SCUBE1: variants seen among roughly 807,000 people sequenced by gnomAD.
The protein encoded by SCUBE1 is signal peptide, CUB and EGF-like domain-containing protein 1.
A neutral mutation model predicts 124.4 loss-of-function variants in SCUBE1; 59 were observed. The ratio of observed to expected loss-of-function variants is 0.47; its 90% CI spans 0.38 to 0.59. The LOEUF (loss-of-function observed/expected upper bound fraction) is 0.59. SCUBE1 is among the 20% of genes least tolerant of loss of function. SCUBE1 has a pLI of 0.00. For synonymous variants in SCUBE1, 545 were observed against 550.9 expected, an observed-to-expected ratio of 0.99 and a Z score of 0.15; for missense variants, 1,150 against 1,371.2, an observed-to-expected ratio of 0.84 and a Z score of 2.55.
At chr22:43,231,073 C>T (rs1176124822) in intron 8 of SCUBE1, among the ~76,000 whole-genome samples, 1 of 152,204 alleles carries the variant, frequency 6.6e-6, no homozygotes, top group African/African-American at 2.4e-5. Context: ...CCACAGGGTA[C>T]CTGTCTCCTT....
In SCUBE1 at chr22:43,221,194, T is replaced by C; in HGVS notation, c.1528A>G (p.Thr510Ala). Residue 510 changes from threonine (T) to alanine (A), a missense_variant, in exon 13 of 22, where the codon ACC becomes GCC. By Grantham distance (58) the Thr-to-Ala change is moderately conservative. Transcript: ENST00000360835. ...TCACCCAGCAGCGGCTGCCTGGCGG[T>C]CTCCTTTGCTCGTGCCTGGCTGTGG... ...RPHSQARAKE[T>A]ARQPLLDHCH... The C allele has an allele frequency of 6.2e-7, 1 of 1,610,376 alleles. No homozygotes were observed. The highest frequency in any genetic ancestry group is 8.5e-7 in the Non-Finnish European group (1 of 1,179,802).
At chr22:43,205,827 C>CTA (rs1921230604) in intron 21 of SCUBE1, among the ~76,000 whole-genome samples, 1 of 104,948 alleles carries the variant, frequency 9.5e-6, no homozygotes. Flanking sequence ...CCACTCACCC[C>CTA]CACACACACC....
intron 3 of SCUBE1, among the ~76,000 whole-genome samples, chr22:43,307,535 A>T (rs952688155): frequency 9.9e-5 from 15 of 152,200 alleles, no homozygotes; most frequent in African/African-American, 3.6e-4. Flanking sequence ...CCCTGGGGCC[A>T]ATCACACGAC....
At position 43,203,353 on chromosome 22, in the gene SCUBE1, A is replaced by T. The variant is rs1018218986; in HGVS notation, c.*644T>A. 4.7e-5 allele frequency: 7 copies of T among 148,138 alleles called. No homozygotes were observed. The highest frequency in any genetic ancestry group is 1.7e-4 in the African/African-American group (7 of 40,736). 9.2% of individuals were successfully genotyped at this position (148,138 alleles called of 1,614,324 possible). On this transcript the variant is annotated 3_prime_UTR_variant, in exon 22 of 22. Coordinates refer to ENST00000360835, the MANE Select transcript of SCUBE1 (RefSeq NM_173050.5). Reference sequence around the variant, plus strand: ...AGGGCATTTTCCTAAAGTACCCACAAATAGAAGTATATATATATATTTATA... The same window carrying T: ...AGGGCATTTTCCTAAAGTACCCACATATAGAAGTATATATATATATTTATA...
chr22:43,298,207 C>T (rs939286247), intron 3 of SCUBE1, among the ~76,000 whole-genome samples: 3 of 152,222 alleles, frequency 2.0e-5, no homozygotes, highest in Admixed American at 6.5e-5. Context: ...AGCTTTGGGG[C>T]CTGGGTTCTG....
chr22:43,280,829 A>G (rs1569009964), intron 4 of SCUBE1, among the ~76,000 whole-genome samples: 1 of 83,288 alleles, frequency 1.2e-5, no homozygotes, highest in African/African-American at 5.8e-5. Context: ...TCCTCCTGTC[A>G]CCTCCCTCTT....
At chr22:43,219,137 G>T (rs1921968034) in intron 14 of SCUBE1, among the ~76,000 whole-genome samples, 1 of 152,190 alleles carries the variant, frequency 6.6e-6, no homozygotes, top group South Asian at 2.1e-4. Flanking sequence ...CCCTAATGCT[G>T]GGGGTGGGGC....
At chr22:43,342,238 G>C (rs1927341833) in intron 1 of SCUBE1, among the ~76,000 whole-genome samples, 1 of 99,314 alleles carries the variant, frequency 1.0e-5, no homozygotes, top group Non-Finnish European at 2.0e-5. Flanking sequence ...TGAAGACAGA[G>C]AGCAGGAGGG....
At position 43,251,145 on chromosome 22, in the gene SCUBE1, G is replaced by A. The variant is rs1355421070; in HGVS notation, c.727+7074C>T. ...GTGAGGCGAGAGAGCCGGGGCAGAG[G>A]GAATGGGCTGAAGATACACCCCCAA... On this transcript the variant is annotated intron_variant, in intron 6 of 21. Coordinates refer to ENST00000360835, the MANE Select transcript of SCUBE1 (RefSeq NM_173050.5). Among the ~76,000 whole-genome samples, 3 of 152,350 alleles carry A rather than the reference G, an allele frequency of 2.0e-5. No homozygotes were observed. The East Asian group carries it at 5.8e-4, about 29-fold the overall frequency.
At chr22:43,282,507 C>T (rs1266832597) in intron 4 of SCUBE1, 2 of 152,146 alleles carry the variant, frequency 1.3e-5, no homozygotes, top group African/African-American at 4.8e-5. Context: ...GGTCTGGGCC[C>T]AGATGACGCT....
chr22:43,262,687 G>A (rs1442006987), intron 5 of SCUBE1, 33 bp downstream of exon 5: 1 of 1,609,066 alleles, frequency 6.2e-7, no homozygotes, highest in South Asian at 1.1e-5. Flanking sequence ...GAGACGCACG[G>A]GACGTTTGAC....
intron 6 of SCUBE1, among the ~76,000 whole-genome samples, chr22:43,250,905 T>G (rs1923419525): frequency 6.6e-6 from 1 of 152,210 alleles, no homozygotes; most frequent in Admixed American, 6.5e-5. Flanking sequence ...CCCTCAGGCC[T>G]GTTCTGCTCC....
intron 6 of SCUBE1, among the ~76,000 whole-genome samples, chr22:43,253,719 C>G (rs561724984): frequency 2.0e-5 from 3 of 152,326 alleles, no homozygotes; most frequent in South Asian, 2.1e-4. Context: ...CCCTCCTCCC[C>G]CCGCCTGCAC....
At chr22:43,259,008 C>T (rs537805397) in intron 5 of SCUBE1, among the ~76,000 whole-genome samples, 3 of 152,328 alleles carry the variant, frequency 2.0e-5, no homozygotes, top group African/African-American at 7.2e-5. Flanking sequence ...GTTTTCGATG[C>T]CTGTGGCCTG....
At chr22:43,282,416 G>A (rs971293285) in intron 4 of SCUBE1, 4 of 152,346 alleles carry the variant, frequency 2.6e-5, no homozygotes, top group Non-Finnish European at 5.9e-5. Flanking sequence ...TCTCCCCAGG[G>A]TTTCTGGCTC....
At chr22:43,323,490 G>A (rs1161203124) in intron 2 of SCUBE1, among the ~76,000 whole-genome samples, 2 of 151,852 alleles carry the variant, frequency 1.3e-5, no homozygotes, top group Admixed American at 6.6e-5. Context: ...CCAGCCAAAT[G>A]TTCACCCATA....
chr22:43,314,536 C>G (rs1032277627), intron 3 of SCUBE1, among the ~76,000 whole-genome samples: 1 of 152,094 alleles, frequency 6.6e-6, no homozygotes, highest in Non-Finnish European at 1.5e-5. Context: ...TCATGAGCAC[C>G]TGGAACACAC....
At position 43,339,171 on chromosome 22, in the gene SCUBE1, C is replaced by G; in HGVS notation, c.153G>C (p.Gln51His). The G allele has an allele frequency of 6.2e-7, 1 of 1,613,950 alleles. No individual in the cohort carries two copies. Among genetic ancestry groups the G allele is most frequent in the Non-Finnish European group, 8.5e-7 (1 of 1,179,848 alleles). Reference protein sequence around the residue: ...TDDCHIDAICQNTPKSYKCLC... With the variant: ...TDDCHIDAICHNTPKSYKCLC... ...GGCATTTGTAGGACTTGGGCGTGTT[C>G]TGACAGATGGCATCGATGTGGCAGT... Residue 51 changes from glutamine to histidine, a missense_variant, in exon 2 of 22, where the codon CAG (glutamine) becomes CAC (histidine). By Grantham distance (24) the Gln-to-His change is conservative (BLOSUM62 0). This residue lies in a region of SCUBE1 where 337 missense variants were observed against 482.1 expected (regional missense o/e 0.70). Coordinates refer to ENST00000360835, the MANE Select transcript of SCUBE1 (RefSeq NM_173050.5).
intron 3 of SCUBE1, among the ~76,000 whole-genome samples, chr22:43,303,618 C>T (rs538402553): frequency 6.6e-6 from 1 of 152,246 alleles, no homozygotes; most frequent in African/African-American, 2.4e-5. Context: ...CACTGGCACG[C>T]TCGCAGGCCT....
Sources: allele counts gnomAD v4.1 joint callset (sites outside exome capture counted in the v4.1 genomes callset), GRCh38; gene constraint gnomAD v4.1.1; regional missense constraint gnomAD v4.1.1; transcripts MANE v1.5; gene names NCBI Gene and HGNC (gene_info 2026-07-23, HGNC 2026-07-21).